Variants in SPSB1 observed in about 807,000 individuals in gnomAD.
SPSB1 encodes the protein splA/ryanodine receptor domain and SOCS box containing 1, also known as SPRY domain-containing SOCS box protein 1.
A neutral mutation model predicts 21.2 loss-of-function variants in SPSB1; 8 were observed. The ratio of observed to expected loss-of-function variants is 0.38; its 90% CI spans 0.22 to 0.68. The LOEUF is 0.68. Ranked by LOEUF, SPSB1 falls within the 30% of genes least tolerant of loss-of-function variation. The pLI is 0.53. For synonymous variants in SPSB1, 169 were observed against 161.7 expected, an observed-to-expected ratio of 1.05 and a Z score of -0.34; for missense variants, 242 against 377.8, an observed-to-expected ratio of 0.64 and a Z score of 2.98.
In SPSB1 at chr1:9,292,910, C is replaced by A. The variant is rs1639142001; in HGVS notation, c.-311C>A. On this transcript the variant is annotated 5_prime_UTR_variant, in exon 1 of 3. Transcript: ENST00000328089. Reference sequence around the variant, plus strand: ...TTCTCCTCCGCACAGAAGTCGCGCTCGGGCAGCCTGCGCGCTCGCAGCAGG... The same window carrying A: ...TTCTCCTCCGCACAGAAGTCGCGCTAGGGCAGCCTGCGCGCTCGCAGCAGG... 1 of 982,812 alleles carries A rather than the reference C, an allele frequency of 1.0e-6. No homozygotes were observed. Among genetic ancestry groups the A allele is most frequent in the African/African-American group, 1.8e-5 (1 of 56,772 alleles). 60.9% of individuals were successfully genotyped at this position (982,812 alleles called of 1,614,324 possible).
At chr1:9,365,899 T>C (rs2100525075) in intron 2 of SPSB1, among the ~76,000 whole-genome samples, 1 of 152,242 alleles carries the variant, frequency 6.6e-6, no homozygotes, top group East Asian at 1.9e-4. Context: ...CCCACGAAGG[T>C]CCAGGTGTGC....
At chr1:9,333,696 C>A (rs1054861348) in intron 1 of SPSB1, among the ~76,000 whole-genome samples, 1 of 152,200 alleles carries the variant, frequency 6.6e-6, no homozygotes, top group African/African-American at 2.4e-5. Context: ...CCAGTGTAGG[C>A]TGACCCCAGA....
Position 9,367,593 on chromosome 1 carries a change from C to A in SPSB1, c.*18C>A, listed in dbSNP as rs770055673. ...ACCAGTGACGTTCGCCATCATACCGCCAGCGCGACAGCCACCTGGTGCCAA... is the reference window on the plus strand; with the variant it reads ...ACCAGTGACGTTCGCCATCATACCGACAGCGCGACAGCCACCTGGTGCCAA... On this transcript the variant is annotated 3_prime_UTR_variant, in exon 3 of 3. Transcript: ENST00000328089. The surrounding 1 kb of genome is among the most constrained non-coding windows in gnomAD (Gnocchi z 5.9). 6.3e-7 allele frequency: 1 copy of A among 1,586,094 alleles called. No homozygotes were observed. The highest frequency in any genetic ancestry group is 8.6e-7 in the Non-Finnish European group (1 of 1,163,868).
chr1:9,294,452 A>G (rs960636318), intron 1 of SPSB1: 6 of 152,186 alleles, frequency 3.9e-5, no homozygotes, highest in South Asian at 2.1e-4. Context: ...TTGGTTCTGG[A>G]TAGCCGGGCA....
rs1640148903 is a variant in SPSB1, at chr1:9,345,018, G to T, written c.-149-10725G>T. The stretch of plus-strand genomic sequence containing the variant: ...TCGGATCCCCTATGTCCAAGAGACT[G>T]CCTTGTTGGGGGAAAGTGGCAGACT... On this transcript the variant is annotated intron_variant, in intron 1 of 2. Coordinates refer to ENST00000328089, the MANE Select transcript of SPSB1 (RefSeq NM_025106.4). The surrounding 1 kb of genome is among the most constrained non-coding windows in gnomAD (Gnocchi z 4.8). Among the ~76,000 whole-genome samples, 1 of 152,216 alleles carries T rather than the reference G, an allele frequency of 6.6e-6. No individual in the cohort carries two copies. Among genetic ancestry groups the T allele is most frequent in the Non-Finnish European group, 1.5e-5 (1 of 68,044 alleles).
At position 9,361,161 on chromosome 1, in the gene SPSB1, T is replaced by C. The variant is rs1327336774; in HGVS notation, c.694+4576T>C. 2.1e-3 allele frequency among the ~76,000 whole-genome samples: 255 copies of C among 119,800 alleles called. 28 individuals are homozygous for C. The highest frequency in any genetic ancestry group is 2.9e-3 in the African/African-American group (86 of 29,234). The allele number at this position is 119,800 out of a possible 152,430, so 78.6% of individuals were successfully genotyped here. A position where few individuals can be genotyped will look rare whatever the true frequency, so the allele number is the denominator to read the frequency against. ...ATGGCTGGATCTGTCATTTTCTTTT[T>C]TTTTTTTTTTTTTTTTTTTTTTAGA... On this transcript the variant is annotated intron_variant, in intron 2 of 2. Transcript: ENST00000328089.
chr1:9,302,193 G>A (rs954459708), intron 1 of SPSB1, among the ~76,000 whole-genome samples: 1 of 152,182 alleles, frequency 6.6e-6, no homozygotes, highest in Non-Finnish European at 1.5e-5. Flanking sequence ...ATGCCAGTGG[G>A]TGCCTATGGG....
Position 9,317,876 on chromosome 1 carries a change from G to T in SPSB1, c.-150+24805G>T, listed in dbSNP as rs2100478828. Among the ~76,000 whole-genome samples the T allele has an allele frequency of 6.6e-6, 1 of 151,168 alleles. No individual in the cohort carries two copies. The highest frequency in any genetic ancestry group is 6.6e-5 in the Admixed American group (1 of 15,218). On this transcript the variant is annotated intron_variant, in intron 1 of 2. Coordinates refer to ENST00000328089, the MANE Select transcript of SPSB1 (RefSeq NM_025106.4). The surrounding 1 kb of genome is among the most constrained non-coding windows in gnomAD (Gnocchi z 4.3). ...TTTTTTGAGACCCTGCAGATTGGCG[G>T]GTCGCTTTGGTGGGAGTTTCTTGCT...
At position 9,368,289 on chromosome 1, in the gene SPSB1, C is replaced by T. The variant is rs76773239; in HGVS notation, c.*714C>T. ...TCTGTTACTTTCCTTCCACCTGTGC[C>T]CTCCCTGGGATATGTATGCCTCGCC... is the stretch of plus-strand genomic sequence containing the variant. On this transcript the variant is annotated 3_prime_UTR_variant, in exon 3 of 3. Transcript: ENST00000328089. 4.8e-3 allele frequency: 731 copies of T among 152,658 alleles called. 34 individuals carry two copies. In the East Asian group the frequency reaches 0.11, roughly 23 times the overall value. 9.5% of individuals were successfully genotyped at this position (152,658 alleles called of 1,614,324 possible). A position where few individuals can be genotyped will look rare whatever the true frequency, so the allele number is the denominator to read the frequency against.
intron 1 of SPSB1, among the ~76,000 whole-genome samples, chr1:9,352,553 G>T (rs1378793687): frequency 1.3e-5 from 2 of 152,132 alleles, no homozygotes; most frequent in Non-Finnish European, 2.9e-5. Flanking sequence ...TTACTATCGC[G>T]CCCATTTCAG....
At chr1:9,298,376 G>T (rs900944868) in intron 1 of SPSB1, among the ~76,000 whole-genome samples, 7 of 106,648 alleles carry the variant, frequency 6.6e-5, no homozygotes, top group African/African-American at 2.4e-4. Flanking sequence ...CCCCATGAAT[G>T]AATGAATGAG....
chr1:9,324,082 T>C lies in SPSB1; in HGVS notation c.-150+31011T>C, dbSNP rs1246807133. Among the ~76,000 whole-genome samples, 2 of 152,214 alleles carry C rather than the reference T, an allele frequency of 1.3e-5. No homozygotes were observed. Among genetic ancestry groups the C allele is most frequent in the African/African-American group, 4.8e-5 (2 of 41,452 alleles). Reference sequence around the variant, plus strand: ...CTGGTTGCTCTGAGCCTGGTTGCTCTGTCATGGCCCCACCTTTTTTCCTAG... The same window carrying C: ...CTGGTTGCTCTGAGCCTGGTTGCTCCGTCATGGCCCCACCTTTTTTCCTAG... On this transcript the variant is annotated intron_variant, in intron 1 of 2. Coordinates refer to ENST00000328089, the MANE Select transcript of SPSB1 (RefSeq NM_025106.4). This position sits in a 1 kb window ranked among gnomAD's most constrained non-coding sequence, Gnocchi z 4.3.
intron 1 of SPSB1, among the ~76,000 whole-genome samples, chr1:9,315,721 G>T (rs1263972489): frequency 6.6e-6 from 1 of 152,060 alleles, no homozygotes; most frequent in Non-Finnish European, 1.5e-5. Flanking sequence ...GGGAGTTGGT[G>T]GGGGGCCTCA....
rs182112116 is a variant in SPSB1, at chr1:9,308,752, T to G, written c.-150+15681T>G. Among the ~76,000 whole-genome samples the G allele has an allele frequency of 3.9e-4, 60 of 152,294 alleles. 1 individual carries two copies. The South Asian group carries it at 4.8e-3, about 12-fold the overall frequency. On this transcript the variant is annotated intron_variant, in intron 1 of 2. Coordinates refer to ENST00000328089, the MANE Select transcript of SPSB1 (RefSeq NM_025106.4). Reference sequence around the variant, plus strand: ...GGAGGACTTTTTTTTTAGAGAGGTTTTCTGCGTTGCAGGAAGTGGCATGAC... The same window carrying G: ...GGAGGACTTTTTTTTTAGAGAGGTTGTCTGCGTTGCAGGAAGTGGCATGAC...
At chr1:9,323,896 T>C (rs1248230564) in intron 1 of SPSB1, among the ~76,000 whole-genome samples, 1 of 152,220 alleles carries the variant, frequency 6.6e-6, no homozygotes, top group African/African-American at 2.4e-5. Flanking sequence ...CTTCCTCTTA[T>C]ATCTGCCCTC....
At chr1:9,312,634 C>T (rs1639542160) in intron 1 of SPSB1, among the ~76,000 whole-genome samples, 1 of 152,080 alleles carries the variant, frequency 6.6e-6, no homozygotes. Flanking sequence ...GGTGCCAGCA[C>T]GGAGTTTTGT....
rs1172341499 is a variant in SPSB1, at chr1:9,345,935, GC to G, written c.-149-9805del. 6.6e-6 allele frequency among the ~76,000 whole-genome samples: 1 copy of G among 152,076 alleles called. No homozygotes were observed. Among genetic ancestry groups the G allele is most frequent in the Non-Finnish European group, 1.5e-5 (1 of 68,028 alleles). ...GGAGGGTGGTAACCACGTGTCACAA[GC>G]CCTGCTGGTGGTGGCCCCTTTGCCA... On this transcript the variant is annotated intron_variant, in intron 1 of 2. Transcript: ENST00000328089. The surrounding 1 kb of genome is among the most constrained non-coding windows in gnomAD (Gnocchi z 4.8).
Position 9,324,659 on chromosome 1 carries a change from A to G in SPSB1, c.-149-31084A>G, listed in dbSNP as rs546190896. 3.2e-4 allele frequency among the ~76,000 whole-genome samples: 48 copies of G among 152,114 alleles called. No individual in the cohort carries two copies. The South Asian group carries it at 7.7e-3, about 24-fold the overall frequency. On this transcript the variant is annotated intron_variant, in intron 1 of 2. Transcript: ENST00000328089. The surrounding 1 kb of genome is among the most constrained non-coding windows in gnomAD (Gnocchi z 4.3). ...GTGGCCAGCCTGTCTTGTTCCTATA[A>G]AGGGCACTTTGTGTGTGGCTCCTGG...
chr1:9,299,392 A>C (rs1009014054), intron 1 of SPSB1, among the ~76,000 whole-genome samples: 1 of 152,062 alleles, frequency 6.6e-6, no homozygotes, highest in African/African-American at 2.4e-5. Context: ...TAATCCTAGC[A>C]CTTCAGGAGG....
Sources: gnomAD v4.1 joint callset for allele counts (sites outside exome capture counted in the v4.1 genomes callset) on GRCh38, gnomAD v4.1.1 for gene constraint, Gnocchi (gnomAD v3.1) non-coding constraint, MANE v1.5 for transcripts, NCBI Gene and HGNC (gene_info 2026-07-23, HGNC 2026-07-21) for gene names.